The following CCDC141 variants were observed in gnomAD, a reference collection of about 807,000 sequenced individuals.
The protein encoded by CCDC141 is coiled-coil domain containing 141.
CCDC141 carries 168 observed loss-of-function variants against 181.0 expected under a neutral mutation model. That is an observed-to-expected ratio of 0.93 (90% CI 0.82 to 1.05). CCDC141 has a LOEUF of 1.05. Ranked by LOEUF, CCDC141 falls within the 50% of genes least tolerant of loss-of-function variation. The pLI is 0.00. For synonymous variants in CCDC141, 666 were observed against 642.3 expected, an observed-to-expected ratio of 1.04 and a Z score of -0.56; for missense variants, 1,902 against 1,788.5, an observed-to-expected ratio of 1.06 and a Z score of -1.14.
chr2:178,993,978 G>A (rs1312901787), intron 2 of CCDC141, among the ~76,000 whole-genome samples: 1 of 152,146 alleles, frequency 6.6e-6, no homozygotes, highest in East Asian at 1.9e-4. Flanking sequence ...ATGGACTTAG[G>A]CAGATCTGCC....
At chr2:179,033,580 G>C (rs1363804821) in intron 2 of CCDC141, among the ~76,000 whole-genome samples, 1 of 152,062 alleles carries the variant, frequency 6.6e-6, no homozygotes, top group Non-Finnish European at 1.5e-5. Context: ...CTGGGAGTAG[G>C]GGATGGATGG....
At chr2:178,817,754 T>C in the CCDC141 span, 1 of 304,182 alleles carries the variant, frequency 3.3e-6, no homozygotes, top group South Asian at 3.1e-5. Flanking sequence ...TCTTTATCTC[T>C]TTTCTATTTC....
intron 7 of CCDC141, among the ~76,000 whole-genome samples, chr2:178,908,861 A>G (rs1688098389): frequency 6.6e-6 from 1 of 152,226 alleles, no homozygotes; most frequent in Non-Finnish European, 1.5e-5. Flanking sequence ...ATTAGGAAGA[A>G]AAATATATAA....
At chr2:178,892,164 T>C (rs909737001) in intron 8 of CCDC141, among the ~76,000 whole-genome samples, 5 of 152,152 alleles carry the variant, frequency 3.3e-5, no homozygotes, top group Non-Finnish European at 7.4e-5. Flanking sequence ...CAATTTCTTC[T>C]TTGGTATGCT....
In CCDC141 at chr2:178,961,412, A is replaced by ACTTGAATT; in HGVS notation, c.590_597dup (p.Cys200AsnfsTer9). Reference sequence around the variant, plus strand: ...TCAGGATTCACATTAGGTCCTTCACACTTGAATTTTTCTATGAAGTCAGTG... The same window carrying ACTTGAATT: ...TCAGGATTCACATTAGGTCCTTCACACTTGAATTCTTGAATTTTTCTATGAAGTCAGTG... On this transcript the variant is annotated frameshift_variant, in exon 5 of 24. Coordinates refer to ENST00000443758, the MANE Select transcript of CCDC141 (RefSeq NM_173648.4). LOFTEE classifies it high-confidence loss of function. The ACTTGAATT allele has an allele frequency of 6.4e-6, 10 of 1,550,520 alleles. No homozygotes were observed. Among genetic ancestry groups the ACTTGAATT allele is most frequent in the Non-Finnish European group, 8.7e-6 (10 of 1,146,934 alleles).
rs942179018 is a variant in CCDC141, at chr2:178,833,956, C to G, written c.*217G>C. 3.7e-6 allele frequency: 2 copies of G among 541,002 alleles called. No homozygotes were observed. The allele number at this position is 541,002 out of a possible 1,614,324, so 33.5% of individuals were successfully genotyped here. On this transcript the variant is annotated 3_prime_UTR_variant, in exon 24 of 24. Coordinates refer to ENST00000443758, the MANE Select transcript of CCDC141 (RefSeq NM_173648.4). ...TGTTTCTAGAGTACAAAAATCTGTT[C>G]TTATCCACTACAGATAATTTACCAA...
chr2:178,819,913 T>C, the CCDC141 span, among the ~76,000 whole-genome samples: 1 of 152,182 alleles, frequency 6.6e-6, no homozygotes, highest in African/African-American at 2.4e-5. Context: ...GTTTTTTATA[T>C]AGAACATTTT....
intron 6 of CCDC141, among the ~76,000 whole-genome samples, chr2:178,943,759 C>A (rs1689616381): frequency 6.6e-6 from 1 of 152,022 alleles, no homozygotes; most frequent in African/African-American, 2.4e-5. Flanking sequence ...TATTTACAGA[C>A]CCCCAGATGT....
chr2:178,869,671 G>C lies in CCDC141; in HGVS notation c.2206-366C>G, dbSNP rs371027249. Among the ~76,000 whole-genome samples, 3 of 152,112 alleles carry C rather than the reference G, an allele frequency of 2.0e-5. No individual in the cohort carries two copies. In the East Asian group the frequency reaches 5.8e-4, roughly 29 times the overall value. ...TATCTCTGATATTTAATACAGACTA[G>C]AATCAGGTGGTATGGTAAAAACACC... On this transcript the variant is annotated intron_variant, in intron 14 of 23. Transcript: ENST00000443758.
intron 22 of CCDC141, among the ~76,000 whole-genome samples, chr2:178,844,786 A>C (rs888611394): frequency 6.6e-6 from 1 of 152,236 alleles, no homozygotes; most frequent in African/African-American, 2.4e-5. Context: ...CTCATGTCAC[A>C]AGAAGTGTAT....
In CCDC141 at chr2:179,049,896, C is replaced by T. The variant is rs2043623829; in HGVS notation, c.46G>A (p.Val16Ile). The T allele has an allele frequency of 1.3e-6, 2 of 1,550,648 alleles. No homozygotes were observed. The highest frequency in any genetic ancestry group is 2.4e-5 in the South Asian group (2 of 84,062). Residue 16 changes from valine (V) to isoleucine (I), a missense_variant, in exon 1 of 24, where the codon GTC becomes ATC. Val to Ile is a conservative substitution (Grantham distance 29). Coordinates refer to ENST00000443758, the MANE Select transcript of CCDC141 (RefSeq NM_173648.4). ...SPSVALSTTT[V>I]SSVAVQAGDS... ...CCAGCCTGCACAGCAACTGAACTGA[C>T]TGTCGTCGTAGAAAGCGCAACACTA...
chr2:178,954,983 G>A (rs754801538), intron 5 of CCDC141, among the ~76,000 whole-genome samples: 20 of 152,002 alleles, frequency 1.3e-4, no homozygotes, highest in South Asian at 1.0e-3. Context: ...CATCAACAAC[G>A]CTTTAAAATA....
intron 22 of CCDC141, among the ~76,000 whole-genome samples, chr2:178,845,406 C>T (rs754363084): frequency 9.9e-5 from 15 of 151,926 alleles, no homozygotes; most frequent in Admixed American, 2.0e-4. Flanking sequence ...TTCCAGTACT[C>T]GATAGTGAGA....
chr2:179,019,378 G>A (rs1333137812), intron 2 of CCDC141, among the ~76,000 whole-genome samples: 3 of 152,098 alleles, frequency 2.0e-5, no homozygotes, highest in African/African-American at 4.8e-5. Flanking sequence ...CACTAATGAT[G>A]AGAGAGAAGC....
intron 8 of CCDC141, among the ~76,000 whole-genome samples, chr2:178,889,513 A>C (rs761395373): frequency 6.6e-6 from 1 of 152,306 alleles, no homozygotes; most frequent in Non-Finnish European, 1.5e-5. Context: ...ATAACCCTTA[A>C]ATTTAATTAC....
At chr2:179,009,750 C>T (rs2042214926) in intron 2 of CCDC141, among the ~76,000 whole-genome samples, 1 of 151,748 alleles carries the variant, frequency 6.6e-6, no homozygotes, top group South Asian at 2.1e-4. Context: ...TACTGGTTGG[C>T]CTCCCCAAAA....
At chr2:178,844,643 C>T (rs766602243) in intron 22 of CCDC141, among the ~76,000 whole-genome samples, 28 of 152,196 alleles carry the variant, frequency 1.8e-4, no homozygotes, top group Non-Finnish European at 3.5e-4. Flanking sequence ...CTGCACCAGG[C>T]CTTGACATAG....
At chr2:178,846,383 G>T (rs761138439) in intron 21 of CCDC141, among the ~76,000 whole-genome samples, 1 of 152,164 alleles carries the variant, frequency 6.6e-6, no homozygotes, top group South Asian at 2.1e-4. Context: ...AGAACCACTG[G>T]TATCACACAT....
At chr2:179,020,218 G>A (rs2042655678) in intron 2 of CCDC141, among the ~76,000 whole-genome samples, 1 of 152,070 alleles carries the variant, frequency 6.6e-6, no homozygotes, top group African/African-American at 2.4e-5. Context: ...ACAATGTAAG[G>A]AGCTTTAGGG....
Sources: gnomAD v4.1 joint callset for allele counts (sites outside exome capture counted in the v4.1 genomes callset) on GRCh38, gnomAD v4.1.1 for gene constraint, MANE v1.5 for transcripts, NCBI Gene and HGNC (gene_info 2026-07-23, HGNC 2026-07-21) for gene names.